EPSTI1: variants seen among roughly 807,000 people sequenced by gnomAD.
EPSTI1 encodes the protein epithelial-stromal interaction protein 1.
In EPSTI1, 66 loss-of-function variants were observed where a neutral mutation model predicts 49.9. The observed-to-expected ratio is 1.32, with a 90% CI of 1.08 to 1.62. The LOEUF (loss-of-function observed/expected upper bound fraction) is 1.62, where lower values mean the gene tolerates loss of function less well. Ranked by LOEUF, EPSTI1 falls within the 40% of genes most tolerant of loss-of-function variation. The probability of loss-of-function intolerance (pLI) is 0.00; values close to 1 mark genes in which losing one functional copy is unlikely to be tolerated. For missense variants in EPSTI1, 394 were observed against 365.5 expected (o/e 1.08, Z -0.64); for synonymous variants, 137 against 130.7 (o/e 1.05, Z -0.33).
chr13:42,963,440 G>A, intron 4 of EPSTI1, 102 bp from the exon 5 acceptor site: 1 of 836,120 alleles, frequency 1.2e-6, no homozygotes, highest in Non-Finnish European at 1.9e-6. Context: ...AGTATTGTTT[G>A]TGCTATACCT....
chr13:42,889,226 A>T (rs1189338025), intron 10 of EPSTI1: 1 of 1,570,534 alleles, frequency 6.4e-7, no homozygotes, highest in Non-Finnish European at 8.6e-7. Flanking sequence ...GTGCCTCGAA[A>T]AAACTAATAG....
chr13:42,975,814 C>T (rs1188519059), intron 1 of EPSTI1, among the ~76,000 whole-genome samples: 1 of 134,756 alleles, frequency 7.4e-6, no homozygotes, highest in African/African-American at 2.8e-5. Context: ...GTAAAAGCCA[C>T]ACAAAAAAAA....
chr13:42,972,928 A>G (rs1260120321), intron 1 of EPSTI1, among the ~76,000 whole-genome samples: 1 of 152,256 alleles, frequency 6.6e-6, no homozygotes, highest in Non-Finnish European at 1.5e-5. Context: ...TGATGTAAGT[A>G]CTCAGAGATC....
At position 42,890,264 on chromosome 13, in the gene EPSTI1, T is replaced by G. The variant is rs566909674; in HGVS notation, c.916-1762A>C. Among the ~76,000 whole-genome samples, 4 of 151,916 alleles carry G rather than the reference T, an allele frequency of 2.6e-5. No homozygotes were observed. The South Asian group carries it at 8.3e-4, about 32-fold the overall frequency. On this transcript the variant is annotated intron_variant, in intron 10 of 10. Transcript: ENST00000313624. ...CTCCATTTATTTATTCCACAGCATC[T>G]TTCTACAAAATTTAAGAATTTTTTT...
intron 7 of EPSTI1, 25 bp from the exon 8 acceptor site, chr13:42,917,649 A>AG: frequency 6.9e-7 from 1 of 1,448,334 alleles, no homozygotes. Context: ...AGAGAAAAAA[A>AG]AAAAAAAAAA....
In EPSTI1 at chr13:42,967,289, TAAAAAAAAAA is replaced by T. The variant is rs747737457; in HGVS notation, c.331+1795_331+1804del. On this transcript the variant is annotated intron_variant, in intron 3 of 10. Coordinates refer to ENST00000313624, the MANE Select transcript of EPSTI1 (RefSeq NM_033255.5). ...AAGAATTATCAATAAAAAAATAAAT[TAAAAAAAAAA>T]AAAAAAAAAAAAGAAAATCAGCTGG... is the stretch of plus-strand genomic sequence containing the variant. 2.1e-4 allele frequency among the ~76,000 whole-genome samples: 6 copies of T among 28,542 alleles called. 2 individuals are homozygous for T. The Admixed American group carries it at 3.3e-3, about 16-fold the overall frequency. The allele number at this position is 28,542 out of a possible 152,430, so 18.7% of individuals were successfully genotyped here.
intron 1 of EPSTI1, among the ~76,000 whole-genome samples, chr13:42,984,818 T>C (rs963663997): frequency 3.3e-5 from 5 of 152,140 alleles, no homozygotes; most frequent in Non-Finnish European, 7.4e-5. Context: ...GTGGGACGCA[T>C]TAAGGTTGGA....
intron 10 of EPSTI1, among the ~76,000 whole-genome samples, chr13:42,889,589 CAGT>C (rs2036969372): frequency 6.6e-6 from 1 of 152,178 alleles, no homozygotes; most frequent in Non-Finnish European, 1.5e-5. Context: ...CCTCATCTAT[CAGT>C]CTTTAAATGG....
chr13:42,990,602 C>T (rs7329437), intron 1 of EPSTI1, among the ~76,000 whole-genome samples: 141,373 of 152,268 alleles, frequency 0.93, 66,243 homozygotes, highest in Non-Finnish European at 1. Flanking sequence ...GCTGCTTCTA[C>T]TGTGGCGAGA....
At position 42,991,983 on chromosome 13, in the gene EPSTI1, C is replaced by G; in HGVS notation, c.183G>C (p.Gln61His). ...PSRESVVHAG[Q>H]RRTSAYTLIA... is the part of the protein sequence containing the mutation. ...CAGGTTGTTAAAATACTCACCGCCT[C>G]TGGCCCGCGTGCACGACGCTCTCCC... Residue 61 changes from glutamine to histidine, a missense_variant, in exon 1 of 11, where the codon CAG (glutamine) becomes CAC (histidine). Coordinates refer to ENST00000313624, the MANE Select transcript of EPSTI1 (RefSeq NM_033255.5). 6.2e-7 allele frequency: 1 copy of G among 1,612,964 alleles called. No individual in the cohort carries two copies. Among genetic ancestry groups the G allele is most frequent in the Admixed American group, 1.7e-5 (1 of 60,008 alleles).
chr13:42,938,914 C>CAAAAAAAAAAAAAAAAA (rs57079104), intron 6 of EPSTI1, among the ~76,000 whole-genome samples: 2,129 of 59,536 alleles, frequency 0.036, 324 homozygotes, highest in African/African-American at 0.057. Context: ...GACTCTGTCT[C>CAAAAAAAAAAAAAAAAA]AAAAAAAAAA....
intron 8 of EPSTI1, among the ~76,000 whole-genome samples, chr13:42,905,482 C>T (rs1001650549): frequency 6.6e-6 from 1 of 152,142 alleles, no homozygotes; most frequent in Non-Finnish European, 1.5e-5. Flanking sequence ...TAAGCATATT[C>T]TTGGTTCATT....
At chr13:42,890,447 G>A (rs941935881) in intron 10 of EPSTI1, among the ~76,000 whole-genome samples, 32 of 152,006 alleles carry the variant, frequency 2.1e-4, no homozygotes, top group Admixed American at 1.7e-3. Context: ...ACAGGAGCCC[G>A]CCACCACGCC....
At chr13:42,921,659 C>A (rs552087491) in intron 7 of EPSTI1, among the ~76,000 whole-genome samples, 2 of 152,092 alleles carry the variant, frequency 1.3e-5, no homozygotes, top group East Asian at 1.9e-4. Context: ...TTTTTTAAAC[C>A]CTGAAGCCCA....
At chr13:42,900,066 A>G (rs900515357) in intron 9 of EPSTI1, among the ~76,000 whole-genome samples, 10 of 152,204 alleles carry the variant, frequency 6.6e-5, no homozygotes, top group Non-Finnish European at 1.0e-4. Flanking sequence ...TCAGTTTTCT[A>G]ATGTGAGTTT....
chr13:42,888,534 A>G, intron 10 of EPSTI1, 32 bp from the exon 11 acceptor site: 1 of 1,575,196 alleles, frequency 6.3e-7, no homozygotes, highest in Non-Finnish European at 8.6e-7. Flanking sequence ...AATTACTGCA[A>G]GCAGCAAAAT....
chr13:42,890,300 T>TTC (rs1555255379), intron 10 of EPSTI1, among the ~76,000 whole-genome samples: 2 of 136,608 alleles, frequency 1.5e-5, no homozygotes, highest in Non-Finnish European at 3.1e-5. Context: ...TCTTTTCTTT[T>TTC]TTTTTTTTTT....
chr13:42,984,353 C>T (rs2153436225), intron 1 of EPSTI1, among the ~76,000 whole-genome samples: 1 of 152,312 alleles, frequency 6.6e-6, no homozygotes, highest in African/African-American at 2.4e-5. Flanking sequence ...GGAAATTGAA[C>T]ATCTGAACAT....
intron 6 of EPSTI1, among the ~76,000 whole-genome samples, chr13:42,931,503 C>T (rs979706187): frequency 3.9e-5 from 6 of 152,236 alleles, no homozygotes; most frequent in Middle Eastern, 3.2e-3. Context: ...CCGCGCCCGG[C>T]CTTGCCTGCA....
Sources: gnomAD v4.1 joint callset for allele counts (sites outside exome capture counted in the v4.1 genomes callset) on GRCh38, gnomAD v4.1.1 for gene constraint, MANE v1.5 for transcripts, NCBI Gene and HGNC (gene_info 2026-07-23, HGNC 2026-07-21) for gene names.